LSAMP: variants seen among roughly 807,000 people sequenced by gnomAD.
The protein encoded by LSAMP is limbic system associated membrane protein.
In LSAMP, 7 loss-of-function variants were observed where a neutral mutation model predicts 38.6. The ratio of observed to expected loss-of-function variants is 0.18; its 90% CI spans 0.10 to 0.34. LSAMP has a LOEUF of 0.34. Ranked by LOEUF, LSAMP falls within the 10% of genes least tolerant of loss-of-function variation. LSAMP has a pLI of 1.00. For synonymous variants in LSAMP, 154 were observed against 166.8 expected (o/e 0.92, Z 0.59); for missense variants, 313 against 420.0 (o/e 0.75, Z 2.23).
At chr3:115,916,504 T>C (rs551636615) in intron 3 of LSAMP, among the ~76,000 whole-genome samples, 39 of 152,294 alleles carry the variant, frequency 2.6e-4, no homozygotes, top group African/African-American at 8.9e-4. Context: ...TACTGATATA[T>C]AGGTATATCA....
intron 1 of LSAMP, among the ~76,000 whole-genome samples, chr3:116,401,153 T>G (rs1338046866): frequency 1.3e-5 from 2 of 152,320 alleles, no homozygotes; most frequent in East Asian, 3.9e-4. Flanking sequence ...CCTCTGTACT[T>G]TACCATGTGC....
chr3:115,935,371 G>A (rs918269993), intron 3 of LSAMP, among the ~76,000 whole-genome samples: 13 of 152,150 alleles, frequency 8.5e-5, no homozygotes, highest in African/African-American at 3.1e-4. Flanking sequence ...GGGATAAAGA[G>A]GCTCTTGAGA....
Position 116,317,479 on chromosome 3 carries a change from C to T in LSAMP, c.155+127398G>A, listed in dbSNP as rs573500732. On this transcript the variant is annotated intron_variant, in intron 1 of 6. Coordinates refer to ENST00000490035, the MANE Select transcript of LSAMP (RefSeq NM_002338.5). ...CACGCCATTCTCCTGCCTCAGCCTC[C>T]CGAGTAGCTGGGACTACAGGCGCCC... Among the ~76,000 whole-genome samples the T allele has an allele frequency of 2.9e-3, 434 of 152,160 alleles. 1 individual carries two copies. The highest frequency in any genetic ancestry group is 9.9e-3 in the African/African-American group (411 of 41,558).
At chr3:116,014,102 T>C (rs558399254) in intron 3 of LSAMP, among the ~76,000 whole-genome samples, 4 of 152,190 alleles carry the variant, frequency 2.6e-5, no homozygotes, top group African/African-American at 9.6e-5. Flanking sequence ...TGGATTGACT[T>C]ACAATTTTTT....
intron 3 of LSAMP, among the ~76,000 whole-genome samples, chr3:115,975,917 C>G (rs141129135): frequency 6.6e-6 from 1 of 152,164 alleles, no homozygotes. Context: ...AAAGCAACAT[C>G]TCTCTTGGTT....
chr3:115,985,851 T>C (rs141012984), intron 3 of LSAMP, among the ~76,000 whole-genome samples: 10 of 152,312 alleles, frequency 6.6e-5, no homozygotes, highest in African/African-American at 2.4e-4. Flanking sequence ...ACGGTTTGGT[T>C]GCAATCTCAT....
At chr3:116,064,511 A>C (rs1941649815) in intron 2 of LSAMP, among the ~76,000 whole-genome samples, 1 of 152,142 alleles carries the variant, frequency 6.6e-6, no homozygotes, top group African/African-American at 2.4e-5. Flanking sequence ...TCAAAAAAAA[A>C]AAAAAAAAAG....
intron 1 of LSAMP, among the ~76,000 whole-genome samples, chr3:116,294,743 T>C (rs2047307030): frequency 6.6e-6 from 1 of 152,192 alleles, no homozygotes; most frequent in Non-Finnish European, 1.5e-5. Context: ...ATGTGGGATA[T>C]TTATTATAGA....
At chr3:116,211,746 A>T (rs906493732) in intron 1 of LSAMP, among the ~76,000 whole-genome samples, 2 of 152,220 alleles carry the variant, frequency 1.3e-5, no homozygotes, top group South Asian at 4.1e-4. Flanking sequence ...AGAACTAGTC[A>T]GTCTGGCAAA....
At chr3:116,413,184 G>A (rs1294792927) in intron 1 of LSAMP, among the ~76,000 whole-genome samples, 1 of 151,758 alleles carries the variant, frequency 6.6e-6, no homozygotes, top group Non-Finnish European at 1.5e-5. Flanking sequence ...CAAATTTCTT[G>A]TAAAGAAAAT....
At chr3:116,057,005 G>A (rs933447331) in intron 2 of LSAMP, among the ~76,000 whole-genome samples, 4 of 152,148 alleles carry the variant, frequency 2.6e-5, no homozygotes, top group Non-Finnish European at 5.9e-5. Flanking sequence ...ATGAAGAATT[G>A]TGGGTGGATC....
At chr3:115,992,649 G>T (rs1404931162) in intron 3 of LSAMP, among the ~76,000 whole-genome samples, 1 of 152,024 alleles carries the variant, frequency 6.6e-6, no homozygotes, top group African/African-American at 2.4e-5. Flanking sequence ...TTTATTTTGT[G>T]TATTGATGGT....
intron 3 of LSAMP, among the ~76,000 whole-genome samples, chr3:115,925,514 CCTAT>C (rs1374806204): frequency 6.6e-6 from 1 of 151,822 alleles, no homozygotes; most frequent in Non-Finnish European, 1.5e-5. Flanking sequence ...TATAGAAGGC[CCTAT>C]CTGTCTTGGT....
chr3:115,908,609 A>G (rs533367853), intron 3 of LSAMP, among the ~76,000 whole-genome samples: 2 of 152,326 alleles, frequency 1.3e-5, no homozygotes, highest in East Asian at 3.9e-4. Flanking sequence ...TCTGATATTT[A>G]TATAGAACTT....
At chr3:116,339,467 G>GT (rs758061877) in intron 1 of LSAMP, among the ~76,000 whole-genome samples, 1,761 of 146,088 alleles carry the variant, frequency 0.012, 12 homozygotes, top group Non-Finnish European at 0.016. Context: ...CACTAATGAA[G>GT]TTTTTTTTTT....
intron 1 of LSAMP, among the ~76,000 whole-genome samples, chr3:116,326,842 C>A (rs754995416): frequency 6.6e-6 from 1 of 152,072 alleles, no homozygotes; most frequent in Non-Finnish European, 1.5e-5. Context: ...ACACCGAAGG[C>A]ATTCCATACT....
intron 1 of LSAMP, among the ~76,000 whole-genome samples, chr3:116,386,971 GA>G (rs2048634274): frequency 6.6e-6 from 1 of 152,116 alleles, no homozygotes. Context: ...CTAAGATACA[GA>G]AGAACAGAAT....
intron 1 of LSAMP, among the ~76,000 whole-genome samples, chr3:116,160,880 T>C (rs1193135993): frequency 6.6e-6 from 1 of 152,208 alleles, no homozygotes; most frequent in Non-Finnish European, 1.5e-5. Flanking sequence ...GAAATCTGCA[T>C]TTTGAATAAG....
intron 2 of LSAMP, among the ~76,000 whole-genome samples, chr3:116,075,405 G>A (rs144706276): frequency 0.011 from 1,621 of 151,956 alleles, 23 homozygotes; most frequent in African/African-American, 0.035. Flanking sequence ...CAAAGTGCTG[G>A]GATTACAGGC....
Sources: gnomAD v4.1 joint callset for allele counts (sites outside exome capture counted in the v4.1 genomes callset) on GRCh38, gnomAD v4.1.1 for gene constraint, MANE v1.5 for transcripts, NCBI Gene and HGNC (gene_info 2026-07-23, HGNC 2026-07-21) for gene names.